The following MBNL1 variants were observed in gnomAD, a reference collection of about 807,000 sequenced individuals.
MBNL1 encodes muscleblind like splicing regulator 1.
In MBNL1, 8 loss-of-function variants were observed where a neutral mutation model predicts 42.2. That is an observed-to-expected ratio of 0.19 (90% CI 0.11 to 0.34). MBNL1 has a LOEUF of 0.34. Ranked by LOEUF, MBNL1 falls within the 10% of genes least tolerant of loss-of-function variation. The pLI is 1.00. For synonymous variants in MBNL1, 169 were observed against 173.9 expected (o/e 0.97, Z 0.22); for missense variants, 309 against 495.3 (o/e 0.62, Z 3.57).
rs540894317 is a variant in MBNL1, at chr3:152,464,719, C to T, written c.*2353C>T. The T allele has an allele frequency of 1.3e-5, 2 of 152,564 alleles. No individual in the cohort carries two copies. The highest frequency in any genetic ancestry group is 2.1e-4 in the South Asian group (1 of 4,826). The allele number at this position is 152,564 out of a possible 1,614,324, so 9.5% of individuals were successfully genotyped here. A position where few individuals can be genotyped will look rare whatever the true frequency, so the allele number is the denominator to read the frequency against. Reference sequence around the variant, plus strand: ...TGATAATCCAAATACTCAAAGTTTACGTAATGAAAATTATAGCGTGTGTGC... The same window carrying T: ...TGATAATCCAAATACTCAAAGTTTATGTAATGAAAATTATAGCGTGTGTGC... On this transcript the variant is annotated 3_prime_UTR_variant, in exon 10 of 10. Coordinates refer to ENST00000324210, the MANE Select transcript of MBNL1 (RefSeq NM_021038.5).
At chr3:152,419,820 C>T (rs555460875) in intron 3 of MBNL1, among the ~76,000 whole-genome samples, 4 of 152,208 alleles carry the variant, frequency 2.6e-5, no homozygotes, top group East Asian at 1.9e-4. Context: ...TCTTGCTCAG[C>T]GGACCCCACC....
intron 2 of MBNL1, among the ~76,000 whole-genome samples, chr3:152,410,504 T>G (rs1444109711): frequency 6.6e-6 from 1 of 152,268 alleles, no homozygotes; most frequent in Non-Finnish European, 1.5e-5. Context: ...CTTCTTTCCC[T>G]TAAAATATAT....
chr3:152,360,499 CTCTCTGTCCT>C (rs2095854419), intron 2 of MBNL1, among the ~76,000 whole-genome samples: 1 of 152,110 alleles, frequency 6.6e-6, no homozygotes, highest in Admixed American at 6.6e-5. Flanking sequence ...GTCCCCATCT[CTCTCTGTCCT>C]TTAAGACTCA....
chr3:152,322,254 A>G (rs1305359086), intron 2 of MBNL1, among the ~76,000 whole-genome samples: 1 of 152,066 alleles, frequency 6.6e-6, no homozygotes, highest in African/African-American at 2.4e-5. Context: ...AATAAATATT[A>G]CTTTATTTGT....
At chr3:152,453,185 T>C (rs574054709) in intron 6 of MBNL1, among the ~76,000 whole-genome samples, 9 of 152,300 alleles carry the variant, frequency 5.9e-5, no homozygotes, top group African/African-American at 2.2e-4. Context: ...ATACTTCTTA[T>C]AATCAACCTA....
chr3:152,340,680 C>T, intron 2 of MBNL1: 1 of 1,613,962 alleles, frequency 6.2e-7, no homozygotes, highest in South Asian at 1.1e-5. Flanking sequence ...TCGCATAATA[C>T]CTAGCAAGAT....
intron 7 of MBNL1, among the ~76,000 whole-genome samples, 186 bp from the exon 8 acceptor site, chr3:152,456,081 C>T (rs1380972571): frequency 6.6e-6 from 1 of 151,988 alleles, no homozygotes; most frequent in Non-Finnish European, 1.5e-5. Flanking sequence ...TCCCTCCTCC[C>T]CTTCTCTCCT....
chr3:152,433,546 C>G (rs1044160300), intron 4 of MBNL1, among the ~76,000 whole-genome samples: 1 of 151,778 alleles, frequency 6.6e-6, no homozygotes. Context: ...GACAGGAGAT[C>G]GAGACCATCC....
rs144487021 is a variant in MBNL1, at chr3:152,371,206, C to T, written c.175-43735C>T. Among the ~76,000 whole-genome samples the T allele has an allele frequency of 8.8e-3, 1,334 of 152,284 alleles. 8 individuals carry two copies. The highest frequency in any genetic ancestry group is 0.015 in the Non-Finnish European group (1,039 of 68,032). ...AAGGCAGGACTGGTGGTGACAAAAT[C>T]TTTCAGCATTTGCTTTTCTGTGAAG... On this transcript the variant is annotated intron_variant, in intron 2 of 9. Coordinates refer to ENST00000324210, the MANE Select transcript of MBNL1 (RefSeq NM_021038.5).
At chr3:152,335,588 A>C (rs1347202532) in intron 2 of MBNL1, among the ~76,000 whole-genome samples, 1 of 152,058 alleles carries the variant, frequency 6.6e-6, no homozygotes, top group Non-Finnish European at 1.5e-5. Context: ...GGTATATGAA[A>C]GCAGTTGTTC....
Position 152,423,637 on chromosome 3 carries a change from A to C in MBNL1, c.345+8526A>C, listed in dbSNP as rs1299193301. 2.0e-5 allele frequency among the ~76,000 whole-genome samples: 3 copies of C among 152,196 alleles called. No homozygotes were observed. The East Asian group carries it at 5.8e-4, about 29-fold the overall frequency. ...CTGGTAGAGACACAAGAAAAAAAGA[A>C]AATTTCAGGCCAATATCCCTGGTGA... is the stretch of plus-strand genomic sequence containing the variant. On this transcript the variant is annotated intron_variant, in intron 3 of 9. Transcript: ENST00000324210.
chr3:152,327,118 T>G (rs2080872325), intron 2 of MBNL1, among the ~76,000 whole-genome samples: 1 of 151,892 alleles, frequency 6.6e-6, no homozygotes, highest in Non-Finnish European at 1.5e-5. Context: ...TGATAAATTA[T>G]TTGAATTGCT....
intron 2 of MBNL1, among the ~76,000 whole-genome samples, chr3:152,333,084 T>C (rs16864187): frequency 0.046 from 6,998 of 152,234 alleles, 561 homozygotes; most frequent in East Asian, 0.31. Context: ...CTCATAATTA[T>C]TGTTTGGACC....
At position 152,300,105 on chromosome 3, in the gene MBNL1, C is replaced by A; in HGVS notation, c.-89C>A. On this transcript the variant is annotated 5_prime_UTR_variant, in exon 2 of 10. Transcript: ENST00000324210. Reference sequence around the variant, plus strand: ...TGAGGGGACATTTTCATCATCAGTTCAGCTTTTTTTTTTTGGTTGTTGCTC... The same window carrying A: ...TGAGGGGACATTTTCATCATCAGTTAAGCTTTTTTTTTTTGGTTGTTGCTC... The A allele has an allele frequency of 1.3e-6, 1 of 794,374 alleles. No homozygotes were observed. The highest frequency in any genetic ancestry group is 2.7e-5 in the Admixed American group (1 of 36,584). 49.2% of individuals were successfully genotyped at this position (794,374 alleles called of 1,614,324 possible). A position where few individuals can be genotyped will look rare whatever the true frequency, so the allele number is the denominator to read the frequency against.
chr3:152,300,374 A>G lies in MBNL1; in HGVS notation c.174+7A>G. 5.6e-6 allele frequency: 9 copies of G among 1,610,778 alleles called. No homozygotes were observed. The highest frequency in any genetic ancestry group is 2.7e-5 in the African/African-American group (2 of 74,974). On this transcript the variant is annotated splice_region_variant and intron_variant, in intron 2 of 9. Coordinates refer to ENST00000324210, the MANE Select transcript of MBNL1 (RefSeq NM_021038.5). ...CTGCTTTGATTCATTGAAAGTGAGT[A>G]ACTATTATATTCTTTTAAGGATATT... is the stretch of plus-strand genomic sequence containing the variant.
At chr3:152,438,195 A>T (rs1332387595) in intron 4 of MBNL1, among the ~76,000 whole-genome samples, 1 of 152,196 alleles carries the variant, frequency 6.6e-6, no homozygotes, top group Non-Finnish European at 1.5e-5. Context: ...TCATTTACTG[A>T]ACGATATTCA....
chr3:152,378,444 A>G (rs2097018765), intron 2 of MBNL1, among the ~76,000 whole-genome samples: 1 of 152,160 alleles, frequency 6.6e-6, no homozygotes, highest in African/African-American at 2.4e-5. Flanking sequence ...AAACGGGTAC[A>G]ATATAATGCA....
intron 2 of MBNL1, chr3:152,338,252 A>T: frequency 2.0e-6 from 2 of 985,260 alleles, no homozygotes; most frequent in Non-Finnish European, 2.4e-6. Flanking sequence ...GATTCTTTTC[A>T]AGCACTACCT....
Position 152,280,183 on chromosome 3 carries a change from A to G in MBNL1, c.-790+11091A>G, listed in dbSNP as rs559525393. On this transcript the variant is annotated intron_variant, in intron 1 of 9. Coordinates refer to ENST00000324210, the MANE Select transcript of MBNL1 (RefSeq NM_021038.5). The stretch of plus-strand genomic sequence containing the variant: ...AAGAGGTAAGATGTGCCTGTTCTCA[A>G]AGTAATTTCCAGTATAGTGATAGAA... Among the ~76,000 whole-genome samples, 152 of 152,242 alleles carry G rather than the reference A, an allele frequency of 1.0e-3. 1 individual carries two copies. Among genetic ancestry groups the G allele is most frequent in the African/African-American group, 3.6e-3 (149 of 41,552 alleles).
Sources: allele counts gnomAD v4.1 joint callset (sites outside exome capture counted in the v4.1 genomes callset), GRCh38; gene constraint gnomAD v4.1.1; transcripts MANE v1.5; gene names NCBI Gene and HGNC (gene_info 2026-07-23, HGNC 2026-07-21).